Variants in TAMALIN observed in about 807,000 individuals in gnomAD.
The protein encoded by TAMALIN is trafficking regulator and scaffold protein tamalin.
A neutral mutation model predicts 38.5 loss-of-function variants in TAMALIN; 9 were observed. That is an observed-to-expected ratio of 0.23 (90% CI 0.14 to 0.41). TAMALIN has a LOEUF of 0.41. Among genes scored for constraint, TAMALIN ranks in the 10% least tolerant of loss-of-function variants. TAMALIN has a pLI of 1.00. For missense variants in TAMALIN, 548 were observed against 554.1 expected (o/e 0.99, Z 0.11); for synonymous variants, 306 against 256.5 (o/e 1.19, Z -1.85).
intron 2 of TAMALIN, chr12:52,010,584 A>G: frequency 1.6e-6 from 2 of 1,219,850 alleles, no homozygotes; most frequent in Non-Finnish European, 2.1e-6. Flanking sequence ...TGTAGGGCTC[A>G]CTGGAAAGCT....
chr12:52,013,450 C>A (rs946806949), intron 4 of TAMALIN: 12 of 506,558 alleles, frequency 2.4e-5, no homozygotes, highest in South Asian at 2.4e-4. Flanking sequence ...GGGTGCTGGG[C>A]GTGGACAACC....
At chr12:52,012,328 A>G (rs573654366) in intron 4 of TAMALIN, among the ~76,000 whole-genome samples, 21 of 152,124 alleles carry the variant, frequency 1.4e-4, no homozygotes, top group Non-Finnish European at 2.9e-4. Flanking sequence ...ATCTCAGCTC[A>G]CTGCAGCCTC....
Position 52,009,238 on chromosome 12 carries a change from C to T in TAMALIN, c.295C>T (p.Arg99Trp), listed in dbSNP as rs777473116. 17 of 1,613,730 alleles carry T rather than the reference C, an allele frequency of 1.1e-5. No individual in the cohort carries two copies. The highest frequency in any genetic ancestry group is 8.0e-5 in the African/African-American group (6 of 74,924). Reference protein sequence around the residue: ...KNLSQSPEQQRKVLTLEKEDN... With the variant: ...KNLSQSPEQQWKVLTLEKEDN... Reference sequence around the variant, plus strand: ...TCTCAGCCAGAGTCCTGAACAGCAGCGGTGAGTCACCAACACCCAGCCCCT... The same window carrying T: ...TCTCAGCCAGAGTCCTGAACAGCAGTGGTGAGTCACCAACACCCAGCCCCT... Residue 99 changes from arginine to tryptophan, a missense_variant and splice_region_variant, in exon 2 of 8, where the codon CGG (arginine) becomes TGG (tryptophan). Physicochemically the swap from Arg to Trp is moderately radical, Grantham distance 101. Around this residue, in one of 3 missense-constraint regions of TAMALIN, gnomAD observed 415 missense variants for 417.0 expected, o/e 1.00. Coordinates refer to ENST00000293662, the MANE Select transcript of TAMALIN (RefSeq NM_181711.4).
intron 5 of TAMALIN, 27 bp downstream of exon 5, chr12:52,013,807 A>G: frequency 6.2e-7 from 1 of 1,613,022 alleles, no homozygotes; most frequent in Admixed American, 1.7e-5. Flanking sequence ...AGGTGCCTGA[A>G]TTCCTGAGCT....
chr12:52,011,234 C>T lies in TAMALIN; in HGVS notation c.454+93C>T. 6.3e-7 allele frequency: 1 copy of T among 1,585,184 alleles called. No individual in the cohort carries two copies. The highest frequency in any genetic ancestry group is 1.1e-5 in the South Asian group (1 of 89,834). ...TGAGCAATCTCTCCTGAAATCAATT[C>T]CTCTTCCTTTTCCTTCTTTGAGAAG... On this transcript the variant is annotated intron_variant, in intron 4 of 7. Transcript: ENST00000293662. The surrounding 1 kb of genome is among the most constrained non-coding windows in gnomAD (Gnocchi z 5.3).
At position 52,014,924 on chromosome 12, in the gene TAMALIN, G is replaced by A; in HGVS notation, c.913G>A (p.Ala305Thr). ...PPALPPPPPP[A>T]RAFGPGPAET... is the part of the protein sequence containing the mutation. ...GGCGCTGCCGCCCCCGCCGCCCCCG[G>A]CCCGCGCCTTCGGCCCGGGCCCCGC... The change falls in exon 8 of 8, where the codon GCC (alanine) becomes ACC (threonine). Residue 305 changes from alanine to threonine, a missense_variant. Ala to Thr is a moderately conservative substitution (Grantham distance 58). Transcript: ENST00000293662. 1 of 1,057,338 alleles carries A rather than the reference G, an allele frequency of 9.5e-7. No homozygotes were observed. The highest frequency in any genetic ancestry group is 1.1e-6 in the Non-Finnish European group (1 of 876,756). 65.5% of individuals were successfully genotyped at this position (1,057,338 alleles called of 1,614,324 possible).
In TAMALIN at chr12:52,015,154, C is replaced by T; in HGVS notation, c.1143C>T (p.Ile381=). ...RSFRRRLLKF[I]PGLNRSLEEE... ...TCCGCCGGCGGCTGCTCAAGTTCAT[C>T]CCCGGACTCAACCGCTCCCTGGAGG... Residue 381 remains isoleucine (I), a synonymous_variant, in exon 8 of 8, where the codon ATC becomes ATT. Transcript: ENST00000293662. 2 of 1,594,890 alleles carry T rather than the reference C, an allele frequency of 1.3e-6. No individual in the cohort carries two copies. The highest frequency in any genetic ancestry group is 8.5e-7 in the Non-Finnish European group (1 of 1,178,360).
rs1199550478 is a variant in TAMALIN, at chr12:52,011,951, C to G, written c.454+810C>G. The stretch of plus-strand genomic sequence containing the variant: ...ATTTTCTGTTACCATAACAGAATAC[C>G]TGATACTGGGTAATTATAAAGAAAA... On this transcript the variant is annotated intron_variant, in intron 4 of 7. Coordinates refer to ENST00000293662, the MANE Select transcript of TAMALIN (RefSeq NM_181711.4). This position sits in a 1 kb window ranked among gnomAD's most constrained non-coding sequence, Gnocchi z 5.3. Among the ~76,000 whole-genome samples the G allele has an allele frequency of 6.6e-6, 1 of 152,172 alleles. No homozygotes were observed. Among genetic ancestry groups the G allele is most frequent in the Non-Finnish European group, 1.5e-5 (1 of 68,040 alleles).
intron 4 of TAMALIN, chr12:52,013,426 CCACCCTTTGGCT>C: frequency 2.2e-6 from 1 of 464,798 alleles, no homozygotes. Flanking sequence ...TGTGAGGTCC[CCACCCTTTGGCT>C]GGGGTGCTGG....
chr12:52,014,723 G>A lies in TAMALIN; in HGVS notation c.712G>A (p.Asp238Asn), dbSNP rs1483640007. Residue 238 changes from aspartate to asparagine, a missense_variant, in exon 8 of 8, where the codon GAC (aspartate) becomes AAC (asparagine). By Grantham distance (23) the Asp-to-Asn change is conservative. Around this residue, in one of 3 missense-constraint regions of TAMALIN, gnomAD observed 415 missense variants for 417.0 expected, o/e 1.00. Transcript: ENST00000293662. ...GLVVKDPSIY[D>N]TLESVRSCLY... The stretch of plus-strand genomic sequence containing the variant: ...GGTGGTGAAGGACCCCAGCATCTAC[G>A]ACACGCTGGAGTCGGTGCGCTCCTG... 6 of 1,518,710 alleles carry A rather than the reference G, an allele frequency of 4.0e-6. No homozygotes were observed. The highest frequency in any genetic ancestry group is 5.2e-6 in the Non-Finnish European group (6 of 1,146,914). The allele number at this position is 1,518,710 out of a possible 1,614,324, so 94.1% of individuals were successfully genotyped here.
At chr12:52,014,542 G>A (rs1051312337) in intron 7 of TAMALIN, 152 bp from the exon 8 acceptor site, 1 of 632,766 alleles carries the variant, frequency 1.6e-6, no homozygotes, top group Non-Finnish European at 2.7e-6. Flanking sequence ...TTGCGGGTGA[G>A]GGAAGTAGGG....
intron 1 of TAMALIN, chr12:52,008,084 A>C: frequency 1.0e-6 from 1 of 985,360 alleles, no homozygotes; most frequent in Non-Finnish European, 1.2e-6. Flanking sequence ...GCTTGTTGAG[A>C]ATTTGCATTT....
chr12:52,012,795 T>C (rs1003836605), intron 4 of TAMALIN, among the ~76,000 whole-genome samples: 3 of 152,188 alleles, frequency 2.0e-5, no homozygotes, highest in African/African-American at 7.2e-5. Context: ...ACACTGTGCT[T>C]GAGGTCAGGA....
chr12:52,014,773 G>C lies in TAMALIN; in HGVS notation c.762G>C (p.Pro254=), dbSNP rs750435226. 12 of 1,477,546 alleles carry C rather than the reference G, an allele frequency of 8.1e-6. No individual in the cohort carries two copies. The highest frequency in any genetic ancestry group is 6.2e-6 in the Non-Finnish European group (7 of 1,123,486). The allele number at this position is 1,477,546 out of a possible 1,614,324, so 91.5% of individuals were successfully genotyped here. A position where few individuals can be genotyped will look rare whatever the true frequency, so the allele number is the denominator to read the frequency against. ...GCCTCTACGGCGCGGGCCTGCTCCC[G>C]GGCTCGCTGCCCTTCGGGCCTCTGC... ...RSCLYGAGLL[P]GSLPFGPLLA... is the part of the protein sequence containing the mutation. Residue 254 remains proline, a synonymous_variant, in exon 8 of 8, where the codon CCG becomes CCC. Transcript: ENST00000293662.
intron 2 of TAMALIN, among the ~76,000 whole-genome samples, chr12:52,009,698 T>C (rs895660269): frequency 9.9e-5 from 15 of 152,218 alleles, no homozygotes; most frequent in African/African-American, 2.4e-4. Flanking sequence ...GGTCCCAGCC[T>C]GTGGCAGCCC....
Position 52,014,847 on chromosome 12 carries a change from A to C in TAMALIN, c.836A>C (p.Asp279Ala). Residue 279 changes from aspartate (D) to alanine (A), a missense_variant, in exon 8 of 8, where the codon GAC (aspartate) becomes GCC (alanine). Asp to Ala is a moderately radical substitution (Grantham distance 126, BLOSUM62 -2). This residue lies in a region of TAMALIN where 415 missense variants were observed against 417.0 expected (regional missense o/e 1.00). Coordinates refer to ENST00000293662, the MANE Select transcript of TAMALIN (RefSeq NM_181711.4). ...GGAGGCGCCCGACGGGCCAGGGGCGACGCCGACGACGCCGTCTACCACACG... is the reference window on the plus strand; with the variant it reads ...GGAGGCGCCCGACGGGCCAGGGGCGCCGCCGACGACGCCGTCTACCACACG... Reference protein sequence around the residue: ...PRGGARRARGDADDAVYHTCF... With the variant: ...PRGGARRARGAADDAVYHTCF... 7.9e-7 allele frequency: 1 copy of C among 1,258,186 alleles called. No individual in the cohort carries two copies. The allele number at this position is 1,258,186 out of a possible 1,614,324, so 77.9% of individuals were successfully genotyped here.
Position 52,007,258 on chromosome 12 carries a change from G to A in TAMALIN, c.239G>A (p.Arg80His). ...ALAVSGGTLP[R>H]RKGSGFRWKN... ...GCCGTGTCCGGGGGCACCCTGCCCCGCCGAAAGGTGCGTCCCCCGCCCGCC... is the reference window on the plus strand; with the variant it reads ...GCCGTGTCCGGGGGCACCCTGCCCCACCGAAAGGTGCGTCCCCCGCCCGCC... The change falls in exon 1 of 8, where the codon CGC becomes CAC. Residue 80 changes from arginine to histidine, a missense_variant. By Grantham distance (29) the Arg-to-His change is conservative (BLOSUM62 0). Coordinates refer to ENST00000293662, the MANE Select transcript of TAMALIN (RefSeq NM_181711.4). This position sits in a 1 kb window ranked among gnomAD's most constrained non-coding sequence, Gnocchi z 6.7. The A allele has an allele frequency of 1.4e-6, 2 of 1,403,156 alleles. No homozygotes were observed. Among genetic ancestry groups the A allele is most frequent in the Non-Finnish European group, 1.8e-6 (2 of 1,081,820 alleles). The allele number at this position is 1,403,156 out of a possible 1,614,324, so 86.9% of individuals were successfully genotyped here.
chr12:52,014,665 C>T (rs543261744), intron 7 of TAMALIN, 29 bp from the exon 8 acceptor site: 3 of 1,445,824 alleles, frequency 2.1e-6, no homozygotes, highest in Middle Eastern at 2.6e-4. Flanking sequence ...AGGCCTGACC[C>T]GCCCCCTACC....
rs933096171 is a variant in TAMALIN at position 52,009,153 on chromosome 12, C to T, written c.247-37C>T. On this transcript the variant is annotated intron_variant, in intron 1 of 7. Coordinates refer to ENST00000293662, the MANE Select transcript of TAMALIN (RefSeq NM_181711.4). ...CTCAGTGTCTGCTCAAGGACAGTCCCGCCTTACCTGCTCCTTCTGACCATC... is the reference window on the plus strand; with the variant it reads ...CTCAGTGTCTGCTCAAGGACAGTCCTGCCTTACCTGCTCCTTCTGACCATC... 9.9e-6 allele frequency: 16 copies of T among 1,608,946 alleles called. No homozygotes were observed. The East Asian group carries it at 1.8e-4, about 18-fold the overall frequency.
Sources: allele counts gnomAD v4.1 joint callset (sites outside exome capture counted in the v4.1 genomes callset), GRCh38; gene constraint gnomAD v4.1.1; regional missense constraint gnomAD v4.1.1; non-coding constraint Gnocchi (gnomAD v3.1); transcripts MANE v1.5; gene names NCBI Gene and HGNC (gene_info 2026-07-23, HGNC 2026-07-21).